Variants in MYLK observed in about 807,000 individuals in gnomAD.
MYLK encodes myosin light chain kinase, smooth muscle.
Under a neutral mutation model 203.4 loss-of-function variants are expected in MYLK, and 106 were observed. The observed-to-expected ratio is 0.52, with a 90% CI of 0.45 to 0.61. MYLK has a LOEUF of 0.61. MYLK is among the 20% of genes least tolerant of loss of function. The pLI is 0.00. For missense variants in MYLK, 2,072 were observed against 2,442.3 expected (o/e 0.85, Z 3.20); for synonymous variants, 867 against 959.5 (o/e 0.90, Z 1.78).
intron 7 of MYLK, among the ~76,000 whole-genome samples, chr3:123,738,589 G>C (rs2062757335): frequency 6.6e-6 from 1 of 152,194 alleles, no homozygotes; most frequent in Non-Finnish European, 1.5e-5. Context: ...GACCCAGTGG[G>C]AGGTAACTGA....
chr3:123,694,864 A>G (rs1012330417), intron 18 of MYLK, among the ~76,000 whole-genome samples: 1 of 152,110 alleles, frequency 6.6e-6, no homozygotes, highest in African/African-American at 2.4e-5. Context: ...AGAATCTGGT[A>G]TTTCCTGTGG....
chr3:123,789,175 C>T (rs1280853587), intron 4 of MYLK, among the ~76,000 whole-genome samples: 2 of 151,982 alleles, frequency 1.3e-5, no homozygotes, highest in Admixed American at 1.3e-4. Flanking sequence ...ACCCCTGAGG[C>T]CCAGCAGTGA....
intron 3 of MYLK, among the ~76,000 whole-genome samples, chr3:123,805,423 G>C (rs2065334892): frequency 6.6e-6 from 1 of 152,304 alleles, no homozygotes; most frequent in East Asian, 1.9e-4. Flanking sequence ...CCGAGACTGG[G>C]TTTCTCCAAC....
intron 2 of MYLK, among the ~76,000 whole-genome samples, chr3:123,842,767 T>C (rs1195814558): frequency 6.6e-6 from 1 of 152,254 alleles, no homozygotes; most frequent in Non-Finnish European, 1.5e-5. Context: ...TTGTATTAAA[T>C]ACTTACATAC....
At chr3:123,807,354 G>A (rs531104712) in intron 3 of MYLK, among the ~76,000 whole-genome samples, 6 of 152,030 alleles carry the variant, frequency 3.9e-5, no homozygotes, top group South Asian at 4.2e-4. Context: ...TCTTGAACCC[G>A]GGAGGCAGAG....
At chr3:123,841,273 C>T (rs1293363219) in intron 2 of MYLK, among the ~76,000 whole-genome samples, 1 of 151,992 alleles carries the variant, frequency 6.6e-6, no homozygotes, top group African/African-American at 2.4e-5. Flanking sequence ...AAAGTTCTTC[C>T]TAGTGCTATA....
At chr3:123,732,782 G>C (rs2062526599) in intron 11 of MYLK, 114 bp downstream of exon 11, 1 of 1,019,760 alleles carries the variant, frequency 9.8e-7, no homozygotes, top group African/African-American at 1.6e-5. Context: ...CATTTCTGTC[G>C]GGCTGTGCAC....
chr3:123,776,132 G>A (rs1415773981), intron 4 of MYLK, among the ~76,000 whole-genome samples: 2 of 152,194 alleles, frequency 1.3e-5, no homozygotes, highest in African/African-American at 2.4e-5. Context: ...TGTGGCAGCA[G>A]GACAAGAGGC....
rs5852352 is a variant in MYLK at position 123,704,747 on chromosome 3, CAAA to C, written c.2390+3004_2390+3006del. ...TGAAACCCCGTCTCTACTAAAAATA[CAAA>C]AAAAAAAAAAAAAAAAAAAATTAGC... On this transcript the variant is annotated intron_variant, in intron 16 of 33. Coordinates refer to ENST00000360304, the MANE Select transcript of MYLK (RefSeq NM_053025.4). 9.1e-4 allele frequency among the ~76,000 whole-genome samples: 80 copies of C among 87,688 alleles called. No homozygotes were observed. The East Asian group carries it at 9.9e-3, about 11-fold the overall frequency. The allele number at this position is 87,688 out of a possible 152,430, so 57.5% of individuals were successfully genotyped here. A position where few individuals can be genotyped will look rare whatever the true frequency, so the allele number is the denominator to read the frequency against.
chr3:123,803,807 ACT>A (rs2065275332), intron 3 of MYLK, among the ~76,000 whole-genome samples: 3 of 152,068 alleles, frequency 2.0e-5, no homozygotes, highest in African/African-American at 4.8e-5. Flanking sequence ...GGCTAGGAAG[ACT>A]CTGAGGGCTG....
chr3:123,627,032 G>C (rs1474245210), intron 30 of MYLK, 91 bp from the exon 31 acceptor site: 5 of 1,482,438 alleles, frequency 3.4e-6, no homozygotes, highest in Non-Finnish European at 4.7e-6. Flanking sequence ...CCTGTCCCTG[G>C]TCATGAGGGC....
At chr3:123,689,080 C>CA (rs1379887718) in intron 19 of MYLK, among the ~76,000 whole-genome samples, 2 of 152,180 alleles carry the variant, frequency 1.3e-5, no homozygotes, top group African/African-American at 4.8e-5. Context: ...TGAGTGATGG[C>CA]ATGAGTACCC....
At position 123,708,912 on chromosome 3, in the gene MYLK, G is replaced by A; in HGVS notation, c.1943-17C>T. 6.2e-7 allele frequency: 1 copy of A among 1,612,568 alleles called. No homozygotes were observed. On this transcript the variant is annotated splice_polypyrimidine_tract_variant and intron_variant, in intron 14 of 33. Transcript: ENST00000360304. ...GTGGATTCCCTGAACCAGGAGGAGG[G>A]GAAGGGGGATTGGTTAGGGAGGTCC...
At position 123,640,312 on chromosome 3, in the gene MYLK, G is replaced by A. The variant is rs138822291; in HGVS notation, c.4812C>T (p.Ile1604=). ...CCAGCCTCCTGGCCAGACCAAAGTC[G>A]ATGAGCTTGATCCTGGTGCCCGTCT... ...VNKTGTRIKL[I]DFGLARRLEN... Residue 1604 remains isoleucine, a synonymous_variant, in exon 28 of 34, where the codon ATC becomes ATT. Transcript: ENST00000360304. The surrounding 1 kb of genome is among the most constrained non-coding windows in gnomAD (Gnocchi z 4.3). 20 of 1,613,790 alleles carry A rather than the reference G, an allele frequency of 1.2e-5. No homozygotes were observed. The East Asian group carries it at 1.8e-4, about 14-fold the overall frequency.
intron 3 of MYLK, among the ~76,000 whole-genome samples, chr3:123,820,981 G>C (rs1577066262): frequency 6.6e-6 from 1 of 151,942 alleles, no homozygotes; most frequent in Non-Finnish European, 1.5e-5. Context: ...CACCCACCTC[G>C]GTCTCCCAAA....
At chr3:123,810,250 G>A (rs1017273569) in intron 3 of MYLK, among the ~76,000 whole-genome samples, 3 of 152,120 alleles carry the variant, frequency 2.0e-5, no homozygotes, top group Non-Finnish European at 2.9e-5. Flanking sequence ...CAGACCTCAG[G>A]ACAGAATGGC....
At chr3:123,772,956 G>T (rs916132265) in intron 4 of MYLK, among the ~76,000 whole-genome samples, 1 of 151,790 alleles carries the variant, frequency 6.6e-6, no homozygotes, top group East Asian at 1.9e-4. Context: ...GACCTTATAA[G>T]GCTATTTTTA....
chr3:123,762,115 G>A (rs76453864), intron 4 of MYLK, among the ~76,000 whole-genome samples: 4,313 of 152,122 alleles, frequency 0.028, 201 homozygotes, highest in African/African-American at 0.096. Flanking sequence ...AAAGCAGGCC[G>A]CCCTCCCACT....
intron 4 of MYLK, among the ~76,000 whole-genome samples, chr3:123,759,414 G>A (rs1363638777): frequency 1.3e-5 from 2 of 152,188 alleles, no homozygotes; most frequent in Non-Finnish European, 2.9e-5. Context: ...AAATAGAGAT[G>A]CACTCTCAGA....
Sources: allele counts gnomAD v4.1 joint callset (sites outside exome capture counted in the v4.1 genomes callset), GRCh38; gene constraint gnomAD v4.1.1; non-coding constraint Gnocchi (gnomAD v3.1); transcripts MANE v1.5; gene names NCBI Gene and HGNC (gene_info 2026-07-23, HGNC 2026-07-21).